POFUT3: variants seen among roughly 807,000 people sequenced by gnomAD.
POFUT3 encodes GDP-fucose protein O-fucosyltransferase 3.
At chr8:33,332,891 C>G in the POFUT3 span, among the ~76,000 whole-genome samples, 35 of 152,286 alleles carry the variant, frequency 2.3e-4, no homozygotes, top group Middle Eastern at 6.8e-3. Context: ...GCCAATGGTG[C>G]CCTCTTCCCT....
the POFUT3 span, among the ~76,000 whole-genome samples, chr8:33,359,780 C>T: frequency 1.3e-5 from 2 of 152,066 alleles, no homozygotes; most frequent in East Asian, 3.9e-4. Context: ...CCGAGGTGGG[C>T]AGATCACCTG....
the POFUT3 span, among the ~76,000 whole-genome samples, chr8:33,406,110 CA>C: frequency 6.6e-6 from 1 of 151,588 alleles, no homozygotes; most frequent in African/African-American, 2.4e-5. Flanking sequence ...AGTAACACAA[CA>C]AAAAACAGAA....
At chr8:33,438,835 A>C in the POFUT3 span, among the ~76,000 whole-genome samples, 1 of 152,214 alleles carries the variant, frequency 6.6e-6, no homozygotes, top group South Asian at 2.1e-4. Context: ...CCCTTATAAA[A>C]TCATCAGATC....
the POFUT3 span, among the ~76,000 whole-genome samples, chr8:33,376,823 G>A: frequency 6.6e-6 from 1 of 152,172 alleles, no homozygotes. Flanking sequence ...ACAAAATCAC[G>A]TAAGGAGATG....
the POFUT3 span, among the ~76,000 whole-genome samples, chr8:33,329,614 C>T: frequency 6.6e-6 from 1 of 152,164 alleles, no homozygotes; most frequent in Non-Finnish European, 1.5e-5. Context: ...GTCCCCAGTG[C>T]TATAAGCAAT....
the POFUT3 span, among the ~76,000 whole-genome samples, chr8:33,450,983 G>A: frequency 6.6e-6 from 1 of 151,814 alleles, no homozygotes; most frequent in African/African-American, 2.4e-5. Context: ...TTCCAAACTG[G>A]TGAAACAGAG....
At chr8:33,359,321 C>T in the POFUT3 span, among the ~76,000 whole-genome samples, 1 of 152,124 alleles carries the variant, frequency 6.6e-6, no homozygotes. Flanking sequence ...GATCTCTAAG[C>T]CTCAATAATT....
At chr8:33,385,860 G>A in the POFUT3 span, among the ~76,000 whole-genome samples, 1 of 151,938 alleles carries the variant, frequency 6.6e-6, no homozygotes. Context: ...TTTACGTTGT[G>A]CCATATAGAA....
At chr8:33,392,368 G>C in the POFUT3 span, among the ~76,000 whole-genome samples, 1 of 152,052 alleles carries the variant, frequency 6.6e-6, no homozygotes, top group African/African-American at 2.4e-5. Context: ...TTGAGGTCAG[G>C]AGTTCGAGAC....
the POFUT3 span, among the ~76,000 whole-genome samples, chr8:33,328,292 C>T: frequency 3.3e-5 from 5 of 152,150 alleles, no homozygotes; most frequent in South Asian, 1.0e-3. Context: ...TTAATTCCAT[C>T]CATTAGAGCA....
chr8:33,328,388 C>CA, the POFUT3 span, among the ~76,000 whole-genome samples: 401 of 145,982 alleles, frequency 2.7e-3, 2 homozygotes, highest in Middle Eastern at 6.9e-3. Context: ...AAACAAAAAA[C>CA]AAAAAAAAAA....
chr8:33,380,002 T>C, the POFUT3 span, among the ~76,000 whole-genome samples: 1,279 of 81,380 alleles, frequency 0.016, 84 homozygotes, highest in Admixed American at 0.048. Flanking sequence ...TATATATATA[T>C]ACTATATATA....
chr8:33,469,873 A>G, the POFUT3 span, among the ~76,000 whole-genome samples: 1 of 126,610 alleles, frequency 7.9e-6, no homozygotes, highest in East Asian at 2.5e-4. Flanking sequence ...GGCACTCACC[A>G]CAATCTCTGC....
At chr8:33,451,066 A>ATGTATGTG in the POFUT3 span, among the ~76,000 whole-genome samples, 77 of 148,022 alleles carry the variant, frequency 5.2e-4, no homozygotes, top group Non-Finnish European at 7.6e-4. Flanking sequence ...AAGGAGGTGT[A>ATGTATGTG]TGTGTGTGTG....
the POFUT3 span, among the ~76,000 whole-genome samples, chr8:33,379,857 A>AGG: frequency 1.2e-4 from 16 of 129,694 alleles, no homozygotes; most frequent in African/African-American, 4.7e-4. Context: ...ATATATATAT[A>AGG]TATATATAAT....
the POFUT3 span, among the ~76,000 whole-genome samples, chr8:33,364,249 C>CT: frequency 1.3e-5 from 2 of 152,108 alleles, no homozygotes; most frequent in Non-Finnish European, 2.9e-5. Context: ...TCTCAATAAA[C>CT]TAGGTATTGA....
At chr8:33,400,883 G>A in the POFUT3 span, among the ~76,000 whole-genome samples, 4 of 152,100 alleles carry the variant, frequency 2.6e-5, no homozygotes, top group East Asian at 1.9e-4. Flanking sequence ...TACTGACATC[G>A]CCACGTTTTA....
the POFUT3 span, among the ~76,000 whole-genome samples, chr8:33,359,844 A>G: frequency 6.6e-6 from 1 of 151,886 alleles, no homozygotes; most frequent in Non-Finnish European, 1.5e-5. Flanking sequence ...CATCTCTACT[A>G]AAAATACAAA....
the POFUT3 span, among the ~76,000 whole-genome samples, chr8:33,315,850 C>A: frequency 1.3e-5 from 2 of 152,174 alleles, no homozygotes; most frequent in Non-Finnish European, 2.9e-5. Context: ...ATACTGCCTT[C>A]ATGACGGATC....
Sources: allele counts gnomAD v4.1 joint callset (sites outside exome capture counted in the v4.1 genomes callset), GRCh38; gene constraint gnomAD v4.1.1; transcripts MANE v1.5; gene names NCBI Gene and HGNC (gene_info 2026-07-23, HGNC 2026-07-21).